DLC1: variants seen among roughly 807,000 people sequenced by gnomAD.
DLC1 encodes the protein DLC1 Rho GTPase activating protein.
Under a neutral mutation model 140.3 loss-of-function variants are expected in DLC1, and 54 were observed. The observed-to-expected ratio is 0.38, with a 90% CI of 0.31 to 0.48. The LOEUF is 0.48. DLC1 is among the 20% of genes least tolerant of loss of function. DLC1 has a pLI of 0.96. For missense variants in DLC1, 2,536 were observed against 1,907.0 expected, an observed-to-expected ratio of 1.33 and a Z score of -6.14; for synonymous variants, 986 against 728.1, an observed-to-expected ratio of 1.35 and a Z score of -5.70.
At chr8:13,602,382 T>C (rs1278050037) in intron 1 of DLC1, among the ~76,000 whole-genome samples, 4 of 151,820 alleles carry the variant, frequency 2.6e-5, no homozygotes, top group Non-Finnish European at 5.9e-5. Flanking sequence ...CCACTTACTA[T>C]TTTTATGACA....
chr8:13,421,246 G>A (rs961199930), intron 2 of DLC1, among the ~76,000 whole-genome samples: 1 of 151,948 alleles, frequency 6.6e-6, no homozygotes, highest in Non-Finnish European at 1.5e-5. Flanking sequence ...ATATTATTAA[G>A]CTTTTCTGCA....
At chr8:13,265,155 C>G (rs539838726) in intron 5 of DLC1, among the ~76,000 whole-genome samples, 21 of 152,284 alleles carry the variant, frequency 1.4e-4, no homozygotes, top group African/African-American at 4.8e-4. Flanking sequence ...GGTTTAAAAA[C>G]ATAGACTTTA....
chr8:13,200,678 C>T (rs1827331014), intron 5 of DLC1, among the ~76,000 whole-genome samples: 3 of 151,878 alleles, frequency 2.0e-5, no homozygotes, highest in South Asian at 4.1e-4. Context: ...AGTCATAAGT[C>T]GCTGCAGCCT....
chr8:13,586,620 CACACA>C lies in DLC1; in HGVS notation c.-126+17912_-126+17916del, dbSNP rs1585305606. 1.7e-4 allele frequency among the ~76,000 whole-genome samples: 25 copies of C among 146,984 alleles called. No homozygotes were observed. The East Asian group carries it at 1.9e-3, about 11-fold the overall frequency. ...ACACACACACACACACACACACACA[CACACA>C]CCTGCATGTAAAATGAAACATGTAA... On this transcript the variant is annotated intron_variant, in intron 1 of 1. Transcript: ENST00000631382.
At chr8:13,258,457 T>G (rs2117318033) in intron 5 of DLC1, among the ~76,000 whole-genome samples, 1 of 152,378 alleles carries the variant, frequency 6.6e-6, no homozygotes, top group Non-Finnish European at 1.5e-5. Flanking sequence ...TCCCATTTAC[T>G]TATAATATCT....
intron 2 of DLC1, among the ~76,000 whole-genome samples, chr8:13,443,769 T>G (rs944378630): frequency 2.0e-5 from 3 of 152,248 alleles, no homozygotes; most frequent in African/African-American, 7.2e-5. Flanking sequence ...TCCCCAGGCT[T>G]TTCATGATAA....
chr8:13,365,063 C>T (rs1434588417), intron 4 of DLC1, among the ~76,000 whole-genome samples: 3 of 152,172 alleles, frequency 2.0e-5, no homozygotes, highest in Non-Finnish European at 4.4e-5. Context: ...TCTAATACTT[C>T]ATTTACATTT....
chr8:13,425,604 A>C (rs1838536796), intron 2 of DLC1, among the ~76,000 whole-genome samples: 1 of 152,122 alleles, frequency 6.6e-6, no homozygotes, highest in Non-Finnish European at 1.5e-5. Flanking sequence ...GATAAGTGAG[A>C]CTGTTGCATT....
intron 4 of DLC1, among the ~76,000 whole-genome samples, chr8:13,392,130 T>C (rs1451823890): frequency 6.6e-6 from 1 of 152,208 alleles, no homozygotes; most frequent in Non-Finnish European, 1.5e-5. Flanking sequence ...TTTTTCAGTT[T>C]ACCCCGAAAG....
At chr8:13,288,783 A>G (rs1395768471) in intron 5 of DLC1, among the ~76,000 whole-genome samples, 1 of 152,162 alleles carries the variant, frequency 6.6e-6, no homozygotes, top group Non-Finnish European at 1.5e-5. Flanking sequence ...AGGGGAGGAA[A>G]GAAGAAGTAA....
At chr8:13,265,938 G>A (rs1830670467) in intron 5 of DLC1, among the ~76,000 whole-genome samples, 1 of 152,170 alleles carries the variant, frequency 6.6e-6, no homozygotes, top group Non-Finnish European at 1.5e-5. Flanking sequence ...TTCAGGCACT[G>A]CTTTGACATA....
At chr8:13,423,843 G>A (rs979917115) in intron 2 of DLC1, among the ~76,000 whole-genome samples, 1 of 152,096 alleles carries the variant, frequency 6.6e-6, no homozygotes, top group Non-Finnish European at 1.5e-5. Flanking sequence ...AGAAAAGGCT[G>A]AATATTTTTA....
At chr8:13,528,092 T>A (rs1182562336) in intron 1 of DLC1, among the ~76,000 whole-genome samples, 1 of 152,130 alleles carries the variant, frequency 6.6e-6, no homozygotes, top group African/African-American at 2.4e-5. Flanking sequence ...TATTTTCTCC[T>A]CTGTGGAAGT....
intron 1 of DLC1, among the ~76,000 whole-genome samples, chr8:13,525,816 T>G (rs1341958631): frequency 6.6e-6 from 1 of 152,192 alleles, no homozygotes; most frequent in African/African-American, 2.4e-5. Context: ...AAATTTTTAA[T>G]TTTGATAAAT....
intron 1 of DLC1, among the ~76,000 whole-genome samples, chr8:13,564,100 T>G (rs2117388383): frequency 6.6e-6 from 1 of 152,276 alleles, no homozygotes; most frequent in South Asian, 2.1e-4. Context: ...AAACCTATAT[T>G]ATTACTTTTG....
chr8:13,277,082 A>G (rs929830507), intron 5 of DLC1, among the ~76,000 whole-genome samples: 11 of 152,156 alleles, frequency 7.2e-5, no homozygotes, highest in South Asian at 4.1e-4. Context: ...GCACCTGGAA[A>G]GGCTGAGGCT....
rs987064064 is a variant in DLC1, at chr8:13,088,403, C to T, written c.4292+84G>A. ...CCGGCCTCTACTTTAAATAATTATACCATCTTGTAAGATCAGTGACATATA... is the reference window on the plus strand; with the variant it reads ...CCGGCCTCTACTTTAAATAATTATATCATCTTGTAAGATCAGTGACATATA... On this transcript the variant is annotated intron_variant, in intron 16 of 17. Transcript: ENST00000276297. 21 of 1,457,616 alleles carry T rather than the reference C, an allele frequency of 1.4e-5. No individual in the cohort carries two copies. The African/African-American group carries it at 2.4e-4, about 17-fold the overall frequency. 90.3% of individuals were successfully genotyped at this position (1,457,616 alleles called of 1,614,324 possible).
At chr8:13,320,668 G>C (rs1260889372) in intron 4 of DLC1, among the ~76,000 whole-genome samples, 2 of 152,014 alleles carry the variant, frequency 1.3e-5, no homozygotes, top group African/African-American at 2.4e-5. Context: ...GCTCTCCTTG[G>C]GGGTGGGTGG....
chr8:13,589,422 A>T (rs1467417325), intron 1 of DLC1, among the ~76,000 whole-genome samples: 1 of 152,136 alleles, frequency 6.6e-6, no homozygotes, highest in Non-Finnish European at 1.5e-5. Flanking sequence ...CCTTTCTGAC[A>T]GCTTTGAGAT....
Sources: gnomAD v4.1 joint callset for allele counts (sites outside exome capture counted in the v4.1 genomes callset) on GRCh38, gnomAD v4.1.1 for gene constraint, MANE v1.5 for transcripts, NCBI Gene and HGNC (gene_info 2026-07-23, HGNC 2026-07-21) for gene names.